The following MLLT10 variants were observed in gnomAD, a reference collection of about 807,000 sequenced individuals.
MLLT10 encodes MLLT10 histone lysine methyltransferase DOT1L cofactor.
Under a neutral mutation model 129.1 loss-of-function variants are expected in MLLT10, and 30 were observed. That is an observed-to-expected ratio of 0.23 (90% CI 0.17 to 0.32). MLLT10 has a LOEUF of 0.32. Ranked by LOEUF, MLLT10 falls within the 10% of genes least tolerant of loss-of-function variation. MLLT10 has a pLI of 1.00. For synonymous variants in MLLT10, 490 were observed against 446.4 expected, an observed-to-expected ratio of 1.10 and a Z score of -1.23; for missense variants, 1,119 against 1,268.3, an observed-to-expected ratio of 0.88 and a Z score of 1.79.
At chr10:21,624,983 TC>T in intron 8 of MLLT10, 1 of 1,167,546 alleles carries the variant, frequency 8.6e-7, no homozygotes, top group Non-Finnish European at 1.2e-6. Flanking sequence ...CTCCCCTTCC[TC>T]CTCTTCCTCT....
intron 3 of MLLT10, chr10:21,556,673 T>G: frequency 6.2e-7 from 1 of 1,612,370 alleles, no homozygotes; most frequent in Non-Finnish European, 8.5e-7. Context: ...GTTAGCCTCA[T>G]CTGAAAACGT....
rs1833821350 is a variant in MLLT10 at position 21,742,623 on chromosome 10, A to G, written c.*640A>G. Reference sequence around the variant, plus strand: ...TGCTAAAGGTAATTTTCTTTTGAGAATTGCTTTCTTTAGTGTTAAGACCTA... The same window carrying G: ...TGCTAAAGGTAATTTTCTTTTGAGAGTTGCTTTCTTTAGTGTTAAGACCTA... On this transcript the variant is annotated 3_prime_UTR_variant, in exon 23 of 23. Transcript: ENST00000307729. 1 of 221,470 alleles carries G rather than the reference A, an allele frequency of 4.5e-6. No homozygotes were observed. The highest frequency in any genetic ancestry group is 5.8e-5 in the Admixed American group (1 of 17,354). 13.7% of individuals were successfully genotyped at this position (221,470 alleles called of 1,614,324 possible).
At chr10:21,544,884 G>T (rs1366071857) in intron 3 of MLLT10, among the ~76,000 whole-genome samples, 1 of 152,212 alleles carries the variant, frequency 6.6e-6, no homozygotes, top group Non-Finnish European at 1.5e-5. Context: ...TGTGTCTTAT[G>T]CCTGTAATCC....
intron 17 of MLLT10, among the ~76,000 whole-genome samples, chr10:21,732,474 G>A (rs1470433718): frequency 6.6e-6 from 1 of 152,180 alleles, no homozygotes; most frequent in Non-Finnish European, 1.5e-5. Flanking sequence ...AAAAACATGT[G>A]CTCATTATTT....
intron 16 of MLLT10, 137 bp downstream of exon 16, chr10:21,728,065 A>G (rs2057662598): frequency 1.7e-6 from 1 of 602,310 alleles, no homozygotes; most frequent in Non-Finnish European, 2.9e-6. Flanking sequence ...TCTAGACAAG[A>G]AAAATGATTC....
At chr10:21,669,562 T>C (rs1480212253) in intron 9 of MLLT10, among the ~76,000 whole-genome samples, 1 of 152,190 alleles carries the variant, frequency 6.6e-6, no homozygotes, top group Non-Finnish European at 1.5e-5. Flanking sequence ...TAGCAAGCAC[T>C]TAGTGAACTT....
At chr10:21,624,922 C>G (rs1186398566) in intron 8 of MLLT10, 4 of 1,312,008 alleles carry the variant, frequency 3.0e-6, no homozygotes, top group Admixed American at 4.6e-5. Context: ...CCAGCTCTAC[C>G]TCTTGGAGGT....
chr10:21,595,589 T>C, intron 5 of MLLT10, 149 bp downstream of exon 5: 1 of 576,206 alleles, frequency 1.7e-6, no homozygotes, highest in Non-Finnish European at 3.0e-6. Flanking sequence ...ATTAAAATGT[T>C]ATTAATATGT....
intron 5 of MLLT10, among the ~76,000 whole-genome samples, chr10:21,605,057 C>CTA (rs1564493355): frequency 1.3e-5 from 2 of 150,286 alleles, no homozygotes; most frequent in African/African-American, 4.9e-5. Flanking sequence ...TCACTGCAGC[C>CTA]TAGGCAACAT....
intron 5 of MLLT10, among the ~76,000 whole-genome samples, chr10:21,605,529 C>CAACCTCCCGGGTTCAAGTG: frequency 6.6e-6 from 1 of 152,110 alleles, no homozygotes; most frequent in South Asian, 2.1e-4. Flanking sequence ...ACTGCAACAT[C>CAACCTCCCGGGTTCAAGTG]AACCTCCCGG....
intron 13 of MLLT10, among the ~76,000 whole-genome samples, chr10:21,693,904 T>C (rs767236902): frequency 4.6e-5 from 7 of 152,242 alleles, no homozygotes; most frequent in Non-Finnish European, 7.3e-5. Flanking sequence ...TATTAGACTA[T>C]TGAGTGAAGA....
At chr10:21,697,465 T>C (rs528075717) in intron 13 of MLLT10, among the ~76,000 whole-genome samples, 93 of 152,338 alleles carry the variant, frequency 6.1e-4, no homozygotes, top group African/African-American at 2.1e-3. Context: ...AGACTCCATC[T>C]GAAAACAAAA....
intron 8 of MLLT10, among the ~76,000 whole-genome samples, chr10:21,632,677 G>A (rs1482119631): frequency 6.6e-6 from 1 of 152,024 alleles, no homozygotes; most frequent in South Asian, 2.1e-4. Flanking sequence ...AGTAGAATCC[G>A]GTTTATTTTT....
intron 15 of MLLT10, 69 bp downstream of exon 15, chr10:21,726,424 T>C: frequency 9.2e-7 from 1 of 1,092,178 alleles, no homozygotes; most frequent in Non-Finnish European, 1.4e-6. Context: ...CCCCTTTTGG[T>C]TCATTTTATT....
chr10:21,732,626 C>G (rs1446014564), intron 17 of MLLT10, among the ~76,000 whole-genome samples: 1 of 152,098 alleles, frequency 6.6e-6, no homozygotes, highest in Non-Finnish European at 1.5e-5. Context: ...GGAAAATTAC[C>G]TGAAGCTGGT....
intron 3 of MLLT10, among the ~76,000 whole-genome samples, chr10:21,550,718 G>A (rs1018083487): frequency 7.2e-5 from 11 of 151,988 alleles, no homozygotes; most frequent in Admixed American, 6.6e-4. Flanking sequence ...TTTTAGTAGA[G>A]ACGGGGGTTT....
At chr10:21,573,993 ATTC>A (rs1052160034) in intron 3 of MLLT10, among the ~76,000 whole-genome samples, 6 of 152,112 alleles carry the variant, frequency 3.9e-5, no homozygotes, top group African/African-American at 1.4e-4. Context: ...ATTCATTGGT[ATTC>A]TTCATGCTAA....
At chr10:21,671,995 C>T (rs1214482059) in intron 10 of MLLT10, among the ~76,000 whole-genome samples, 11 of 152,032 alleles carry the variant, frequency 7.2e-5, no homozygotes, top group Admixed American at 7.2e-4. Flanking sequence ...CAATAAAACC[C>T]ACTAAATAAA....
chr10:21,567,247 T>C (rs1401158771), intron 3 of MLLT10, among the ~76,000 whole-genome samples: 1 of 152,214 alleles, frequency 6.6e-6, no homozygotes, highest in Non-Finnish European at 1.5e-5. Context: ...GGGGAGAGTG[T>C]TGGTGCCACT....
Sources: allele counts gnomAD v4.1 joint callset (sites outside exome capture counted in the v4.1 genomes callset), GRCh38; gene constraint gnomAD v4.1.1; transcripts MANE v1.5; gene names NCBI Gene and HGNC (gene_info 2026-07-23, HGNC 2026-07-21).